The following LSM14B variants were observed in gnomAD, a reference collection of about 807,000 sequenced individuals.
The protein encoded by LSM14B is protein LSM14 homolog B.
A neutral mutation model predicts 42.1 loss-of-function variants in LSM14B; 8 were observed. The ratio of observed to expected loss-of-function variants is 0.19; its 90% confidence interval spans 0.11 to 0.34. The LOEUF is 0.34. LSM14B is among the 10% of genes least tolerant of loss of function. LSM14B has a pLI of 1.00. For synonymous variants in LSM14B, 219 were observed against 209.7 expected, an observed-to-expected ratio of 1.04 and a Z score of -0.38; for missense variants, 396 against 513.1, an observed-to-expected ratio of 0.77 and a Z score of 2.21.
intron 3 of LSM14B, chr20:62,127,598 C>T (rs1281688612): frequency 6.4e-7 from 1 of 1,550,728 alleles, no homozygotes; most frequent in Non-Finnish European, 8.7e-7. Context: ...AGTTGGTAAG[C>T]CCTCCAGCCT....
chr20:62,133,525 G>A, intron 8 of LSM14B, 50 bp downstream of exon 8: 3 of 1,572,958 alleles, frequency 1.9e-6, no homozygotes, highest in Non-Finnish European at 8.6e-7. Flanking sequence ...GTAGGGTCAG[G>A]CACACCTGGA....
intron 2 of LSM14B, 85 bp downstream of exon 2, chr20:62,124,865 T>A: frequency 1.5e-6 from 2 of 1,334,516 alleles, no homozygotes; most frequent in Non-Finnish European, 2.0e-6. Flanking sequence ...GTCAGAACGC[T>A]CAATGTGAGG....
chr20:62,124,670 G>C lies in LSM14B; in HGVS notation c.181G>C (p.Glu61Gln). Residue 61 changes from glutamate (E) to glutamine (Q), a missense_variant, in exon 2 of 9, where the codon GAG becomes CAG. Physicochemically the swap from Glu to Gln is conservative, Grantham distance 29 (BLOSUM62 2). This residue lies in a region of LSM14B where 274 missense variants were observed against 335.8 expected (regional missense o/e 0.82). Transcript: ENST00000279068. ...CACAGATAGGCCTGCGCCCCCCAGA[G>C]AGGAGATTTATGAGTACATCATTTT... is the stretch of plus-strand genomic sequence containing the variant. ...RPTDRPAPPR[E>Q]EIYEYIIFRG... is the part of the protein sequence containing the mutation. 1 of 1,613,982 alleles carries C rather than the reference G, an allele frequency of 6.2e-7. No individual in the cohort carries two copies. The highest frequency in any genetic ancestry group is 8.5e-7 in the Non-Finnish European group (1 of 1,179,886).
Position 62,134,445 on chromosome 20 carries a change from A to G in LSM14B, c.*297A>G, listed in dbSNP as rs1291591934. ...TTTGGTATTTTGCAAAAAGGTTTCTATAGTGAAAGCTGAATCCTTACTTTG... is the reference window on the plus strand; with the variant it reads ...TTTGGTATTTTGCAAAAAGGTTTCTGTAGTGAAAGCTGAATCCTTACTTTG... On this transcript the variant is annotated 3_prime_UTR_variant, in exon 9 of 9. Coordinates refer to ENST00000279068, the MANE Select transcript of LSM14B (RefSeq NM_144703.3). 3 of 280,050 alleles carry G rather than the reference A, an allele frequency of 1.1e-5. No homozygotes were observed. The highest frequency in any genetic ancestry group is 2.2e-5 in the Non-Finnish European group (3 of 136,774). The allele number at this position is 280,050 out of a possible 1,614,324, so 17.3% of individuals were successfully genotyped here. A position where few individuals can be genotyped will look rare whatever the true frequency, so the allele number is the denominator to read the frequency against.
At position 62,124,738 on chromosome 20, in the gene LSM14B, G is replaced by C; in HGVS notation, c.249G>C (p.Pro83=). The change falls in exon 2 of 9, where the codon CCG becomes CCC. Residue 83 remains proline, a synonymous_variant. Transcript: ENST00000279068. ...AGGATATCACTGTGTGTGAACCTCCGAAAGCTCAGCACACACTCCCGCAGG... is the reference window on the plus strand; with the variant it reads ...AGGATATCACTGTGTGTGAACCTCCCAAAGCTCAGCACACACTCCCGCAGG... ...DIKDITVCEP[P]KAQHTLPQDP... 1 of 1,613,700 alleles carries C rather than the reference G, an allele frequency of 6.2e-7. No individual in the cohort carries two copies. Among genetic ancestry groups the C allele is most frequent in the Non-Finnish European group, 8.5e-7 (1 of 1,179,830 alleles).
At chr20:62,127,644 C>G in intron 3 of LSM14B, 1 of 1,551,196 alleles carries the variant, frequency 6.4e-7, no homozygotes, top group South Asian at 1.2e-5. Context: ...TTCTCCATCT[C>G]CACAGCCCGT....
chr20:62,133,906 G>T (rs2056837461), intron 8 of LSM14B, among the ~76,000 whole-genome samples: 1 of 152,232 alleles, frequency 6.6e-6, no homozygotes, highest in Admixed American at 6.5e-5. Flanking sequence ...TCCCACATGG[G>T]GTGCCTGGTG....
At position 62,130,747 on chromosome 20, in the gene LSM14B, T is replaced by TA; in HGVS notation, c.835+57dup. On this transcript the variant is annotated intron_variant, in intron 6 of 8. Coordinates refer to ENST00000279068, the MANE Select transcript of LSM14B (RefSeq NM_144703.3). The surrounding 1 kb of genome is among the most constrained non-coding windows in gnomAD (Gnocchi z 4.1). ...GCACAGGAGTACCCCTAGAGAGTGT[T>TA]AGGAGGAGATGCCTGGCCGGGTGTG... 1.3e-6 allele frequency: 2 copies of TA among 1,558,306 alleles called. No individual in the cohort carries two copies. The highest frequency in any genetic ancestry group is 1.7e-6 in the Non-Finnish European group (2 of 1,148,944).
intron 7 of LSM14B, 55 bp from the exon 8 acceptor site, chr20:62,133,235 G>T (rs936614694): frequency 6.3e-7 from 1 of 1,594,178 alleles, no homozygotes; most frequent in Non-Finnish European, 8.5e-7. Flanking sequence ...ACGAGGCCTG[G>T]CCAGAAGCCT....
At chr20:62,133,500 C>T in intron 8 of LSM14B, 25 bp downstream of exon 8, 1 of 1,599,054 alleles carries the variant, frequency 6.3e-7, no homozygotes, top group African/African-American at 1.4e-5. Flanking sequence ...CTTCTGGACG[C>T]TTTGGTGGGA....
rs1014895030 is a variant in LSM14B at position 62,134,448 on chromosome 20, G to A, written c.*300G>A. 3.6e-6 allele frequency: 1 copy of A among 279,538 alleles called. No homozygotes were observed. The highest frequency in any genetic ancestry group is 7.4e-6 in the Non-Finnish European group (1 of 135,554). The allele number at this position is 279,538 out of a possible 1,614,324, so 17.3% of individuals were successfully genotyped here. A position where few individuals can be genotyped will look rare whatever the true frequency, so the allele number is the denominator to read the frequency against. On this transcript the variant is annotated 3_prime_UTR_variant, in exon 9 of 9. Transcript: ENST00000279068. ...GGTATTTTGCAAAAAGGTTTCTATA[G>A]TGAAAGCTGAATCCTTACTTTGTGA...
At chr20:62,127,923 G>A in intron 3 of LSM14B, 1 of 672,948 alleles carries the variant, frequency 1.5e-6, no homozygotes, top group South Asian at 1.6e-5. Context: ...CTCTCTCCCT[G>A]GGTCCAGGTT....
chr20:62,123,895 A>G (rs1453525671), intron 1 of LSM14B, among the ~76,000 whole-genome samples: 7 of 152,196 alleles, frequency 4.6e-5, no homozygotes, highest in Admixed American at 4.6e-4. Context: ...CACTTATTAC[A>G]GGAGAGCCCA....
chr20:62,131,777 C>A (rs890126849), intron 7 of LSM14B, among the ~76,000 whole-genome samples: 23 of 152,216 alleles, frequency 1.5e-4, no homozygotes, highest in African/African-American at 5.3e-4. Flanking sequence ...CTGCACCGCC[C>A]CCCCCGGCAG....
chr20:62,124,285 T>A (rs1568701720), intron 1 of LSM14B, among the ~76,000 whole-genome samples: 1 of 152,274 alleles, frequency 6.6e-6, no homozygotes, highest in African/African-American at 2.4e-5. Context: ...GAGTCAAACG[T>A]GAACAGGGAG....
intron 8 of LSM14B, among the ~76,000 whole-genome samples, chr20:62,133,923 C>A (rs1040702281): frequency 2.0e-5 from 3 of 152,246 alleles, no homozygotes; most frequent in Non-Finnish European, 2.9e-5. Context: ...GGTGCCAACC[C>A]CACCCAGCGC....
chr20:62,131,189 C>T (rs1405019518), intron 6 of LSM14B, among the ~76,000 whole-genome samples, 167 bp from the exon 7 acceptor site: 4 of 152,186 alleles, frequency 2.6e-5, no homozygotes, highest in African/African-American at 7.2e-5. Context: ...GACGGCAGAA[C>T]GAGACCTGTA....
chr20:62,128,876 C>A, intron 3 of LSM14B: 1 of 1,072,068 alleles, frequency 9.3e-7, no homozygotes, highest in Non-Finnish European at 1.3e-6. Context: ...GATGCCCAGT[C>A]TTCATGTGTA....
rs192230436 is a variant in LSM14B at position 62,124,659 on chromosome 20, C to T, written c.170C>T (p.Ala57Val). The T allele has an allele frequency of 6.9e-4, 1,111 of 1,613,876 alleles. 4 individuals are homozygous for T. Among genetic ancestry groups the T allele is most frequent in the Non-Finnish European group, 4.7e-4 (549 of 1,179,844 alleles). ...GAAGACCGTCCCACAGATAGGCCTG[C>T]GCCCCCCAGAGAGGAGATTTATGAG... ...GTEDRPTDRP[A>V]PPREEIYEYI... The change falls in exon 2 of 9, where the codon GCG becomes GTG. Residue 57 changes from alanine to valine, a missense_variant. Coordinates refer to ENST00000279068, the MANE Select transcript of LSM14B (RefSeq NM_144703.3).
Sources: gnomAD v4.1 joint callset for allele counts (sites outside exome capture counted in the v4.1 genomes callset) on GRCh38, gnomAD v4.1.1 for gene constraint, gnomAD v4.1.1 regional missense constraint, Gnocchi (gnomAD v3.1) non-coding constraint, MANE v1.5 for transcripts, NCBI Gene and HGNC (gene_info 2026-07-23, HGNC 2026-07-21) for gene names.